RBPJ: variants seen among roughly 807,000 people sequenced by gnomAD.
The protein encoded by RBPJ is recombination signal binding protein for immunoglobulin kappa J region, also known as recombining binding protein suppressor of hairless.
Under a neutral mutation model 67.8 loss-of-function variants are expected in RBPJ, and 9 were observed. The observed-to-expected ratio is 0.13, with a 90% CI of 0.08 to 0.23. RBPJ has a LOEUF of 0.23. Among genes scored for constraint, RBPJ ranks in the 10% least tolerant of loss-of-function variants. RBPJ has a pLI of 1.00. For synonymous variants in RBPJ, 198 were observed against 203.3 expected, an observed-to-expected ratio of 0.97 and a Z score of 0.22; for missense variants, 305 against 595.6, an observed-to-expected ratio of 0.51 and a Z score of 5.08.
upstream of RBPJ, among the ~76,000 whole-genome samples, chr4:26,319,439 G>T: frequency 1.3e-5 from 1 of 79,590 alleles, no homozygotes; most frequent in Admixed American, 1.2e-4. Context: ...GCGCCTTCCC[G>T]CCCCGCCTCC....
chr4:26,206,055 A>C (rs935889660), intron 1 of RBPJ, among the ~76,000 whole-genome samples: 4 of 152,202 alleles, frequency 2.6e-5, no homozygotes, highest in Non-Finnish European at 1.5e-5. Flanking sequence ...TACCTAAAAT[A>C]AGTGGATAAT....
At chr4:26,156,238 C>T in the RBPJ span, among the ~76,000 whole-genome samples, 1 of 152,092 alleles carries the variant, frequency 6.6e-6, no homozygotes, top group African/African-American at 2.4e-5. Flanking sequence ...GTCAAGTTGA[C>T]AATCTGATAT....
chr4:26,295,867 T>C (rs80286563), intron 1 of RBPJ, among the ~76,000 whole-genome samples: 5,550 of 152,282 alleles, frequency 0.036, 241 homozygotes, highest in Middle Eastern at 0.11. Context: ...ATTTTGATGC[T>C]GTAGTTAACC....
the RBPJ span, among the ~76,000 whole-genome samples, chr4:26,151,711 C>A: frequency 2.0e-5 from 3 of 152,328 alleles, no homozygotes; most frequent in East Asian, 5.8e-4. Context: ...TGGGTTGATC[C>A]TGTGGATTTC....
intron 1 of RBPJ, chr4:26,359,748 G>GCGAGCTGGAGCTGACC (rs1301479386): frequency 2.0e-5 from 3 of 152,280 alleles, no homozygotes; most frequent in Non-Finnish European, 4.4e-5. Context: ...TTGCCGCGAA[G>GCGAGCTGGAGCTGACC]CGAGCTGGAG....
intron 1 of RBPJ, among the ~76,000 whole-genome samples, chr4:26,269,387 C>G (rs1173179368): frequency 6.6e-6 from 1 of 151,930 alleles, no homozygotes; most frequent in Non-Finnish European, 1.5e-5. Flanking sequence ...TCCCGAGTAG[C>G]TGATATTACA....
At chr4:26,108,724 T>C in the RBPJ span, among the ~76,000 whole-genome samples, 10 of 152,212 alleles carry the variant, frequency 6.6e-5, no homozygotes, top group Non-Finnish European at 1.0e-4. Context: ...GAGTGGCCTC[T>C]TAAAGGAACC....
intron 1 of RBPJ, among the ~76,000 whole-genome samples, chr4:26,283,088 G>A (rs530389276): frequency 6.0e-5 from 9 of 149,224 alleles, no homozygotes; most frequent in African/African-American, 9.8e-5. Flanking sequence ...CTGCCACCAC[G>A]CCCAGCTAAT....
At chr4:26,298,096 CT>C (rs1321707540) in intron 1 of RBPJ, among the ~76,000 whole-genome samples, 1 of 152,144 alleles carries the variant, frequency 6.6e-6, no homozygotes, top group Non-Finnish European at 1.5e-5. Flanking sequence ...GAACCACCAA[CT>C]GAATGCCGTA....
intron 1 of RBPJ, among the ~76,000 whole-genome samples, chr4:26,252,143 G>A (rs1434869147): frequency 1.3e-5 from 2 of 150,790 alleles, no homozygotes; most frequent in African/African-American, 4.9e-5. Flanking sequence ...ATAGTATGTC[G>A]GCATGAAGTT....
the RBPJ span, among the ~76,000 whole-genome samples, chr4:26,139,535 C>T: frequency 6.6e-6 from 1 of 152,220 alleles, no homozygotes; most frequent in African/African-American, 2.4e-5. Context: ...GAAGCTGTGT[C>T]CCCCCTGGGG....
At chr4:26,286,907 T>C (rs1577390360) in intron 1 of RBPJ, among the ~76,000 whole-genome samples, 1 of 151,778 alleles carries the variant, frequency 6.6e-6, no homozygotes, top group Non-Finnish European at 1.5e-5. Context: ...CTGCTTCAGC[T>C]TCCCAAGTAG....
chr4:26,164,674 C>T (rs969227993), intron 1 of RBPJ, among the ~76,000 whole-genome samples: 1 of 152,166 alleles, frequency 6.6e-6, no homozygotes, highest in Non-Finnish European at 1.5e-5. Context: ...TTTACTGAAA[C>T]TTTTAATGTT....
At chr4:26,133,655 G>A in the RBPJ span, among the ~76,000 whole-genome samples, 3 of 152,176 alleles carry the variant, frequency 2.0e-5, no homozygotes, top group Non-Finnish European at 2.9e-5. Context: ...CTGCACATAT[G>A]AGGGATCTAG....
rs1323298971 is a variant in RBPJ, at chr4:26,405,503, T to A, written c.60-672T>A. Among the ~76,000 whole-genome samples, 10 of 152,314 alleles carry A rather than the reference T, an allele frequency of 6.6e-5. No homozygotes were observed. The South Asian group carries it at 2.1e-3, about 32-fold the overall frequency. ...ATTGAACTTTGTATAGACCATTTGCTCAATAAATATGTAGAGTTGTTTTTA... is the reference window on the plus strand; with the variant it reads ...ATTGAACTTTGTATAGACCATTTGCACAATAAATATGTAGAGTTGTTTTTA... On this transcript the variant is annotated intron_variant, in intron 2 of 10. Coordinates refer to ENST00000355476, the MANE Select transcript of RBPJ (RefSeq NM_015874.6).
chr4:26,314,895 T>G (rs1722551304), upstream of RBPJ, among the ~76,000 whole-genome samples: 2 of 151,746 alleles, frequency 1.3e-5, no homozygotes, highest in Admixed American at 6.6e-5. Context: ...GCCTGTAATC[T>G]CAACATTTTG....
the RBPJ span, among the ~76,000 whole-genome samples, chr4:26,144,745 G>T: frequency 1.3e-5 from 2 of 152,178 alleles, no homozygotes; most frequent in Non-Finnish European, 2.9e-5. Context: ...TTCTTTTGTT[G>T]TTGCCTTTGA....
rs1736189383 is a variant in RBPJ, at chr4:26,431,184, T to TAAAAAAAAAAAAAAAGAAAAAAAAAAAA, written c.*192_*193insGAAAAAAAAAAAAAAAAAAAAAAAAAAA. 1 of 40,666 alleles carries TAAAAAAAAAAAAAAAGAAAAAAAAAAAA rather than the reference T, an allele frequency of 2.5e-5. No individual in the cohort carries two copies. The highest frequency in any genetic ancestry group is 4.8e-5 in the Non-Finnish European group (1 of 20,674). 2.5% of individuals were successfully genotyped at this position (40,666 alleles called of 1,614,324 possible). A position where few individuals can be genotyped will look rare whatever the true frequency, so the allele number is the denominator to read the frequency against. ...CTGATTTGAAATGCAGAAGCCACAGTAAAAAAAAAAAAAAAAAAAAAAAAA... is the reference window on the plus strand; with the variant it reads ...CTGATTTGAAATGCAGAAGCCACAGTAAAAAAAAAAAAAAAGAAAAAAAAAAAAAAAAAAAAAAAAAAAAAAAAAAAAA... On this transcript the variant is annotated 3_prime_UTR_variant, in exon 11 of 11. Coordinates refer to ENST00000355476, the MANE Select transcript of RBPJ (RefSeq NM_015874.6).
At chr4:26,123,424 C>T in the RBPJ span, among the ~76,000 whole-genome samples, 1 of 152,062 alleles carries the variant, frequency 6.6e-6, no homozygotes, top group African/African-American at 2.4e-5. Context: ...TGAGTGGATG[C>T]GAAGGCCTAG....
Sources: gnomAD v4.1 joint callset for allele counts (sites outside exome capture counted in the v4.1 genomes callset) on GRCh38, gnomAD v4.1.1 for gene constraint, MANE v1.5 for transcripts, NCBI Gene and HGNC (gene_info 2026-07-23, HGNC 2026-07-21) for gene names.